Variants in TRPS1 observed in about 807,000 individuals in gnomAD.
TRPS1 encodes the protein zinc finger transcription factor Trps1.
Under a neutral mutation model 101.2 loss-of-function variants are expected in TRPS1, and 6 were observed. That is an observed-to-expected ratio of 0.06 (90% CI 0.03 to 0.12). The LOEUF (loss-of-function observed/expected upper bound fraction) is 0.12, where lower values mean the gene tolerates loss of function less well. Among genes scored for constraint, TRPS1 ranks in the 10% least tolerant of loss-of-function variants. The probability of loss-of-function intolerance (pLI) is 1.00; values close to 1 mark genes in which losing one functional copy is unlikely to be tolerated. For missense variants in TRPS1, 1,363 were observed against 1,567.0 expected (o/e 0.87, Z 2.20); for synonymous variants, 578 against 589.8 (o/e 0.98, Z 0.29).
rs144920648 is a variant in TRPS1 at position 115,509,922 on chromosome 8, C to T, written c.2700+77079G>A. Reference sequence around the variant, plus strand: ...CAACAGGTTTCCAGAGGTCTCTTCCCGCTGACCTCCACCTTTCCTGCCAAT... The same window carrying T: ...CAACAGGTTTCCAGAGGTCTCTTCCTGCTGACCTCCACCTTTCCTGCCAAT... On this transcript the variant is annotated intron_variant, in intron 5 of 6. Coordinates refer to ENST00000395715, the MANE Select transcript of TRPS1 (RefSeq NM_014112.5). Among the ~76,000 whole-genome samples the T allele has an allele frequency of 7.8e-4, 119 of 152,096 alleles. 1 individual carries two copies. The highest frequency in any genetic ancestry group is 3.4e-3 in the Middle Eastern group (1 of 294).
chr8:115,638,826 G>A (rs1818829307), intron 1 of TRPS1, among the ~76,000 whole-genome samples: 1 of 151,616 alleles, frequency 6.6e-6, no homozygotes, highest in African/African-American at 2.4e-5. Flanking sequence ...TTTTTTAAAG[G>A]GAATAAACAG....
At chr8:115,619,002 T>C (rs1818326823) in intron 3 of TRPS1, 130 bp downstream of exon 3, 2 of 912,200 alleles carry the variant, frequency 2.2e-6, no homozygotes, top group Admixed American at 2.1e-5. Flanking sequence ...ATGGAGTGTG[T>C]CCATCTCTTC....
chr8:115,611,096 A>C (rs553501283), intron 3 of TRPS1, among the ~76,000 whole-genome samples: 1 of 151,350 alleles, frequency 6.6e-6, no homozygotes, highest in East Asian at 1.9e-4. Context: ...CAGCCTGGGC[A>C]ACAGAGCAAG....
intron 5 of TRPS1, among the ~76,000 whole-genome samples, chr8:115,488,947 T>G (rs1814954606): frequency 6.6e-6 from 1 of 152,220 alleles, no homozygotes; most frequent in African/African-American, 2.4e-5. Flanking sequence ...TGTAACATTT[T>G]AGCAGGCTGC....
In TRPS1 at chr8:115,582,745, C is replaced by T. The variant is rs189286421; in HGVS notation, c.2700+4256G>A. ...CATGGTTGAGCATCTCCGCTGAAGC[C>T]AAGTAGCACAAAATGTAGATGTTAC... On this transcript the variant is annotated intron_variant, in intron 5 of 6. Coordinates refer to ENST00000395715, the MANE Select transcript of TRPS1 (RefSeq NM_014112.5). Among the ~76,000 whole-genome samples, 13 of 152,228 alleles carry T rather than the reference C, an allele frequency of 8.5e-5. No individual in the cohort carries two copies. In the East Asian group the frequency reaches 2.5e-3, roughly 29 times the overall value.
At chr8:115,561,063 A>G (rs1816934829) in intron 5 of TRPS1, among the ~76,000 whole-genome samples, 1 of 152,148 alleles carries the variant, frequency 6.6e-6, no homozygotes, top group Non-Finnish European at 1.5e-5. Context: ...TGGTGCAACG[A>G]TTACTTTGTC....
At chr8:115,475,072 T>C (rs800868) in intron 5 of TRPS1, among the ~76,000 whole-genome samples, 48,747 of 151,418 alleles carry the variant, frequency 0.32, 9,306 homozygotes, top group Non-Finnish European at 0.45. Flanking sequence ...AAACAGAGGA[T>C]TAAGTGAAAA....
intron 5 of TRPS1, among the ~76,000 whole-genome samples, chr8:115,420,776 G>T (rs1377916982): frequency 6.6e-6 from 1 of 152,120 alleles, no homozygotes; most frequent in Non-Finnish European, 1.5e-5. Flanking sequence ...TATATTTTAG[G>T]TAAACCATAT....
chr8:115,466,306 G>A (rs779739836), intron 5 of TRPS1, among the ~76,000 whole-genome samples: 3 of 152,154 alleles, frequency 2.0e-5, no homozygotes, highest in Non-Finnish European at 4.4e-5. Flanking sequence ...TCAACAGTTT[G>A]ACTGAAAGGT....
intron 1 of TRPS1, among the ~76,000 whole-genome samples, chr8:115,638,167 G>C (rs1818812367): frequency 6.6e-6 from 1 of 152,080 alleles, no homozygotes; most frequent in Non-Finnish European, 1.5e-5. Context: ...TATAAAAACG[G>C]AGACTTGACA....
chr8:115,487,660 GAGTA>G (rs1227515219), intron 5 of TRPS1, among the ~76,000 whole-genome samples: 2 of 152,170 alleles, frequency 1.3e-5, no homozygotes, highest in Non-Finnish European at 2.9e-5. Context: ...ACTTCACGTG[GAGTA>G]AGTAACTATA....
intron 5 of TRPS1, among the ~76,000 whole-genome samples, chr8:115,535,307 C>CATATATAGAGCAT (rs1554583845): frequency 0.23 from 29,360 of 129,098 alleles, 5,486 homozygotes; most frequent in East Asian, 0.35. Flanking sequence ...ATATATATAG[C>CATATATAGAGCAT]ATATATAGCA....
At chr8:115,517,460 GAA>G (rs1391512385) in intron 5 of TRPS1, among the ~76,000 whole-genome samples, 1 of 151,540 alleles carries the variant, frequency 6.6e-6, no homozygotes, top group Non-Finnish European at 1.5e-5. Flanking sequence ...GAGAGAGAGA[GAA>G]AGAGAGAGAG....
intron 2 of TRPS1, among the ~76,000 whole-genome samples, chr8:115,622,020 C>T (rs888072550): frequency 2.6e-5 from 4 of 152,160 alleles, no homozygotes; most frequent in Non-Finnish European, 5.9e-5. Context: ...AAAGCTCCCT[C>T]TTGGAACAAA....
intron 5 of TRPS1, among the ~76,000 whole-genome samples, chr8:115,532,041 G>C (rs968056465): frequency 6.6e-6 from 1 of 152,100 alleles, no homozygotes; most frequent in Non-Finnish European, 1.5e-5. Flanking sequence ...GAGTCGAAGG[G>C]CTACTGACAC....
intron 5 of TRPS1, chr8:115,515,344 G>A (rs1815684153): frequency 1.5e-6 from 1 of 677,164 alleles, no homozygotes; most frequent in Admixed American, 2.1e-5. Flanking sequence ...TATTTAATGT[G>A]GAAAGAATTT....
chr8:115,475,266 T>TTATATATATATATATATATATATATATA (rs33922102), intron 5 of TRPS1, among the ~76,000 whole-genome samples: 2 of 124,004 alleles, frequency 1.6e-5, no homozygotes, highest in African/African-American at 6.9e-5. Flanking sequence ...TGAATCACAG[T>TTATATATATATATATATATATATATATA]TATATATATA....
chr8:115,610,587 A>G (rs1437803693), intron 3 of TRPS1, among the ~76,000 whole-genome samples: 1 of 152,180 alleles, frequency 6.6e-6, no homozygotes, highest in Non-Finnish European at 1.5e-5. Flanking sequence ...ACAAGAGCCA[A>G]CCAACGGCAG....
At chr8:115,658,695 T>C (rs939968129) in intron 1 of TRPS1, among the ~76,000 whole-genome samples, 4 of 152,126 alleles carry the variant, frequency 2.6e-5, no homozygotes, top group Non-Finnish European at 5.9e-5. Context: ...ATATACTGAA[T>C]TATTCTGGGA....
Sources: gnomAD v4.1 joint callset for allele counts (sites outside exome capture counted in the v4.1 genomes callset) on GRCh38, gnomAD v4.1.1 for gene constraint, MANE v1.5 for transcripts, NCBI Gene and HGNC (gene_info 2026-07-23, HGNC 2026-07-21) for gene names.